The following SCFD2 variants were observed in gnomAD, a reference collection of about 807,000 sequenced individuals.
SCFD2 encodes the protein sec1 family domain-containing protein 2.
SCFD2 carries 54 observed loss-of-function variants against 58.9 expected under a neutral mutation model. The ratio of observed to expected loss-of-function variants is 0.92; its 90% CI spans 0.74 to 1.15. SCFD2 has a LOEUF of 1.15. Among genes scored for constraint, SCFD2 ranks in the 50% most tolerant of loss-of-function variants. The pLI, the probability that SCFD2 is intolerant of heterozygous loss-of-function variation, is 0.00. For missense variants in SCFD2, 805 were observed against 836.6 expected (o/e 0.96, Z 0.47); for synonymous variants, 321 against 335.9 (o/e 0.96, Z 0.49).
chr4:53,332,397 C>G (rs1386676566), intron 2 of SCFD2, among the ~76,000 whole-genome samples: 1 of 151,464 alleles, frequency 6.6e-6, no homozygotes, highest in African/African-American at 2.4e-5. Context: ...AGCTTATCCA[C>G]CATGATCAAG....
At chr4:53,097,063 C>T (rs1307771642) in intron 5 of SCFD2, among the ~76,000 whole-genome samples, 1 of 151,888 alleles carries the variant, frequency 6.6e-6, no homozygotes, top group Non-Finnish European at 1.5e-5. Flanking sequence ...TGTTCTGTTC[C>T]ATTGGTCTAT....
chr4:53,049,572 C>T (rs994707155), intron 5 of SCFD2, among the ~76,000 whole-genome samples: 10 of 152,092 alleles, frequency 6.6e-5, no homozygotes, highest in African/African-American at 2.4e-4. Context: ...TCTAAACCAC[C>T]ATGTTTCACT....
chr4:53,004,257 A>G (rs933781474), intron 5 of SCFD2, among the ~76,000 whole-genome samples: 8 of 152,234 alleles, frequency 5.3e-5, no homozygotes, highest in African/African-American at 1.7e-4. Context: ...TCTCAGCTAC[A>G]GGAAAACCAG....
intron 5 of SCFD2, among the ~76,000 whole-genome samples, chr4:53,046,814 C>T (rs1373670866): frequency 1.4e-4 from 21 of 152,008 alleles, no homozygotes; most frequent in Admixed American, 3.3e-4. Context: ...ATTACAGGCA[C>T]GCGCCACCAC....
At chr4:53,145,658 T>G in intron 4 of SCFD2, 76 bp from the exon 5 acceptor site, 1 of 1,345,170 alleles carries the variant, frequency 7.4e-7, no homozygotes, top group Non-Finnish European at 1.0e-6. Context: ...AGTCGAATGA[T>G]AGCTTTCAAA....
intron 2 of SCFD2, among the ~76,000 whole-genome samples, chr4:53,343,078 A>C (rs2149150059): frequency 6.6e-6 from 1 of 152,314 alleles, no homozygotes; most frequent in Middle Eastern, 3.4e-3. Context: ...CACATTCAAA[A>C]GCTAGAAGAA....
At chr4:53,195,290 A>G (rs1475059697) in intron 4 of SCFD2, among the ~76,000 whole-genome samples, 2 of 152,216 alleles carry the variant, frequency 1.3e-5, no homozygotes, top group African/African-American at 4.8e-5. Flanking sequence ...TAGTAGTAGT[A>G]ATAGTATGTT....
chr4:53,017,621 G>A lies in SCFD2; in HGVS notation c.1562-96751C>T, dbSNP rs1253858448. On this transcript the variant is annotated intron_variant, in intron 5 of 8. Coordinates refer to ENST00000401642, the MANE Select transcript of SCFD2 (RefSeq NM_152540.4). ...CAAGTTCTTTTAAAATTAATGTTTG[G>A]GAAAAATAATGACCAATTTGTTGTA... Among the ~76,000 whole-genome samples the A allele has an allele frequency of 2.0e-5, 3 of 152,054 alleles. No individual in the cohort carries two copies. In the East Asian group the frequency reaches 5.8e-4, roughly 29 times the overall value.
chr4:52,935,906 C>T (rs1351960919), intron 5 of SCFD2, among the ~76,000 whole-genome samples: 2 of 151,888 alleles, frequency 1.3e-5, no homozygotes, highest in Admixed American at 6.6e-5. Context: ...GGCATGATCT[C>T]GGCTCACCAC....
intron 8 of SCFD2, among the ~76,000 whole-genome samples, chr4:52,883,170 A>G (rs1258703177): frequency 1.3e-5 from 2 of 152,212 alleles, no homozygotes; most frequent in Non-Finnish European, 2.9e-5. Context: ...GCAGCAAGGC[A>G]TGATTTCCGC....
intron 2 of SCFD2, among the ~76,000 whole-genome samples, chr4:53,323,519 A>G (rs1350097336): frequency 6.9e-6 from 1 of 144,846 alleles, no homozygotes; most frequent in Non-Finnish European, 1.5e-5. Context: ...GCATGCCACC[A>G]TGCCCAGCTA....
intron 5 of SCFD2, among the ~76,000 whole-genome samples, chr4:52,991,955 T>G (rs1372311932): frequency 6.6e-6 from 1 of 152,072 alleles, no homozygotes; most frequent in African/African-American, 2.4e-5. Flanking sequence ...TTAAAATGTG[T>G]GCGTATATTT....
At chr4:53,294,276 C>T (rs1215280234) in intron 3 of SCFD2, among the ~76,000 whole-genome samples, 1 of 152,212 alleles carries the variant, frequency 6.6e-6, no homozygotes, top group Non-Finnish European at 1.5e-5. Flanking sequence ...TAAAAACGTT[C>T]CTATTTATCC....
chr4:53,364,321 G>A (rs892461518), intron 1 of SCFD2, among the ~76,000 whole-genome samples: 4 of 151,982 alleles, frequency 2.6e-5, no homozygotes, highest in African/African-American at 9.7e-5. Context: ...TCAGTTTTCC[G>A]ATTATTCTCC....
intron 5 of SCFD2, among the ~76,000 whole-genome samples, chr4:52,973,346 G>C (rs964889470): frequency 6.6e-6 from 1 of 152,176 alleles, no homozygotes; most frequent in Admixed American, 6.5e-5. Flanking sequence ...TATCACTACC[G>C]ATCCCATAGA....
intron 5 of SCFD2, among the ~76,000 whole-genome samples, chr4:53,030,905 A>G (rs544063885): frequency 6.6e-6 from 1 of 152,378 alleles, no homozygotes; most frequent in East Asian, 1.9e-4. Flanking sequence ...TGGCTAATGA[A>G]TAAATACATT....
intron 4 of SCFD2, among the ~76,000 whole-genome samples, chr4:53,231,115 G>A (rs1244899778): frequency 6.6e-6 from 1 of 152,052 alleles, no homozygotes; most frequent in Non-Finnish European, 1.5e-5. Context: ...GGCATACTAA[G>A]AAAGGAACCA....
intron 2 of SCFD2, among the ~76,000 whole-genome samples, chr4:53,323,797 A>C (rs1364060989): frequency 6.6e-6 from 1 of 151,894 alleles, no homozygotes; most frequent in Non-Finnish European, 1.5e-5. Context: ...AAAAGTAGAG[A>C]GCTCTATGGT....
intron 5 of SCFD2, among the ~76,000 whole-genome samples, chr4:53,009,214 C>T (rs1021548526): frequency 2.0e-5 from 3 of 152,144 alleles, no homozygotes; most frequent in Non-Finnish European, 4.4e-5. Flanking sequence ...GTGTTGGTAG[C>T]GCTTCCTCTG....
Sources: allele counts gnomAD v4.1 joint callset (sites outside exome capture counted in the v4.1 genomes callset), GRCh38; gene constraint gnomAD v4.1.1; transcripts MANE v1.5; gene names NCBI Gene and HGNC (gene_info 2026-07-23, HGNC 2026-07-21).